AKAP6: variants seen among roughly 807,000 people sequenced by gnomAD.
AKAP6 encodes A-kinase anchor protein 6.
In AKAP6, 58 loss-of-function variants were observed where a neutral mutation model predicts 188.5. The ratio of observed to expected loss-of-function variants is 0.31; its 90% CI spans 0.25 to 0.38. AKAP6 has a LOEUF of 0.38. Ranked by LOEUF, AKAP6 falls within the 10% of genes least tolerant of loss-of-function variation. The pLI is 1.00. For synonymous variants in AKAP6, 989 were observed against 998.6 expected (o/e 0.99, Z 0.18); for missense variants, 2,710 against 2,740.0 (o/e 0.99, Z 0.24).
chr14:32,664,578 C>A lies in AKAP6; in HGVS notation c.2731-13733C>A, dbSNP rs928507114. On this transcript the variant is annotated intron_variant, in intron 7 of 13. Coordinates refer to ENST00000280979, the MANE Select transcript of AKAP6 (RefSeq NM_004274.5). ...GTTTAAGAACATTCCTTTTTGGGTT[C>A]TATGGGTATATTTGTGATAATTGTT... is the stretch of plus-strand genomic sequence containing the variant. Among the ~76,000 whole-genome samples, 11 of 152,204 alleles carry A rather than the reference C, an allele frequency of 7.2e-5. No homozygotes were observed. In the East Asian group the frequency reaches 2.1e-3, roughly 29 times the overall value.
chr14:32,616,344 A>G (rs1886580001), intron 7 of AKAP6, among the ~76,000 whole-genome samples: 1 of 152,214 alleles, frequency 6.6e-6, no homozygotes, highest in East Asian at 1.9e-4. Context: ...AAAGACATGG[A>G]ATCAGTCTAA....
In AKAP6 at chr14:32,836,706, A is replaced by C. The variant is rs936286513; in HGVS notation, c.*6901A>C. ...TATTATGGGTTACAAACCCCTTGTG[A>C]CACCATATTTAAGAGCCACTGCTAT... On this transcript the variant is annotated 3_prime_UTR_variant, in exon 14 of 14. Coordinates refer to ENST00000280979, the MANE Select transcript of AKAP6 (RefSeq NM_004274.5). 6.6e-6 allele frequency: 1 copy of C among 152,104 alleles called. No homozygotes were observed. The highest frequency in any genetic ancestry group is 2.4e-5 in the African/African-American group (1 of 41,408). 9.4% of individuals were successfully genotyped at this position (152,104 alleles called of 1,614,324 possible). A position where few individuals can be genotyped will look rare whatever the true frequency, so the allele number is the denominator to read the frequency against.
At chr14:32,338,035 C>T (rs61471028) in intron 1 of AKAP6, among the ~76,000 whole-genome samples, 3,960 of 151,832 alleles carry the variant, frequency 0.026, 171 homozygotes, top group African/African-American at 0.087. Flanking sequence ...AAACAAGACA[C>T]GTTTTACTCT....
chr14:32,468,409 G>T (rs944037063), intron 2 of AKAP6, among the ~76,000 whole-genome samples: 1 of 152,076 alleles, frequency 6.6e-6, no homozygotes, highest in African/African-American at 2.4e-5. Flanking sequence ...ACAATGCCTT[G>T]CTCTTTCATG....
intron 7 of AKAP6, among the ~76,000 whole-genome samples, chr14:32,656,215 A>G (rs1207766716): frequency 6.6e-6 from 1 of 152,062 alleles, no homozygotes; most frequent in Non-Finnish European, 1.5e-5. Flanking sequence ...ACATAAACAT[A>G]AATCTTTCTG....
At chr14:32,673,671 G>A (rs1333226539) in intron 7 of AKAP6, among the ~76,000 whole-genome samples, 2 of 152,158 alleles carry the variant, frequency 1.3e-5, no homozygotes, top group African/African-American at 4.8e-5. Flanking sequence ...GGAGGTGGAG[G>A]TTGCAGTGAG....
intron 2 of AKAP6, among the ~76,000 whole-genome samples, chr14:32,439,306 A>T (rs61981138): frequency 0.08 from 12,133 of 152,252 alleles, 637 homozygotes; most frequent in South Asian, 0.22. Context: ...CCTTATGGAC[A>T]GAAGATGTTG....
chr14:32,595,311 T>A (rs1174303654), intron 5 of AKAP6, among the ~76,000 whole-genome samples: 1 of 152,038 alleles, frequency 6.6e-6, no homozygotes, highest in African/African-American at 2.4e-5. Context: ...TCTCTCCTGC[T>A]TGCACCCTGC....
rs374840581 is a variant in AKAP6, at chr14:32,678,392, A to G, written c.2812A>G (p.Thr938Ala). 5.6e-5 allele frequency: 91 copies of G among 1,613,976 alleles called. 1 individual carries two copies. In the South Asian group the frequency reaches 7.1e-4, roughly 13 times the overall value. ...MSLKLYSEQY[T>A]SSSKRKEEFA... is the part of the protein sequence containing the mutation. ...CCTCAAGCTGTACAGCGAGCAGTATACCAGCAGCAGCAAGCGAAAGGAAGA... is the reference window on the plus strand; with the variant it reads ...CCTCAAGCTGTACAGCGAGCAGTATGCCAGCAGCAGCAAGCGAAAGGAAGA... The change falls in exon 8 of 14, where the codon ACC (threonine) becomes GCC (alanine). Residue 938 changes from threonine (T) to alanine (A), a missense_variant. By Grantham distance (58) the Thr-to-Ala change is moderately conservative. Around this residue, in one of 2 missense-constraint regions of AKAP6, gnomAD observed 2,473 missense variants for 2,426.1 expected, o/e 1.02. Transcript: ENST00000280979.
At chr14:32,348,644 C>G (rs1477391914) in intron 1 of AKAP6, among the ~76,000 whole-genome samples, 1 of 152,064 alleles carries the variant, frequency 6.6e-6, no homozygotes, top group East Asian at 1.9e-4. Flanking sequence ...AACTCCTGAT[C>G]TCAAATGATC....
chr14:32,383,087 ATG>A (rs3031402), intron 1 of AKAP6, among the ~76,000 whole-genome samples: 53,351 of 142,754 alleles, frequency 0.37, 10,547 homozygotes, highest in Admixed American at 0.49. Context: ...GGCAGATTTT[ATG>A]TGTGTGTGTG....
intron 8 of AKAP6, among the ~76,000 whole-genome samples, chr14:32,692,696 A>G (rs80200490): frequency 0.012 from 1,887 of 152,270 alleles, 38 homozygotes; most frequent in African/African-American, 0.043. Context: ...TTCATTTATC[A>G]TCATTCACCA....
chr14:32,826,522 G>A (rs549830302), intron 13 of AKAP6, among the ~76,000 whole-genome samples: 3 of 152,204 alleles, frequency 2.0e-5, no homozygotes, highest in African/African-American at 7.2e-5. Context: ...TTCTGAAAGG[G>A]GATAAAGGCT....
chr14:32,834,531 G>GTGTTTTTTTTTTTTT lies in AKAP6; in HGVS notation c.*4727_*4728insGTTTTTTTTTTTTTT, dbSNP rs1437449754. 114 of 90,504 alleles carry GTGTTTTTTTTTTTTT rather than the reference G, an allele frequency of 1.3e-3. 2 individuals carry two copies. Among genetic ancestry groups the GTGTTTTTTTTTTTTT allele is most frequent in the South Asian group, 4.6e-3 (12 of 2,622 alleles). 5.6% of individuals were successfully genotyped at this position (90,504 alleles called of 1,614,324 possible). ...ATCACACACTGCTTTTAGTTTCCAA[G>GTGTTTTTTTTTTTTT]TCTTTTTTTTTTTTTTTTTTTTTAA... On this transcript the variant is annotated 3_prime_UTR_variant, in exon 14 of 14. Coordinates refer to ENST00000280979, the MANE Select transcript of AKAP6 (RefSeq NM_004274.5).
At chr14:32,724,044 A>G (rs541225088) in intron 9 of AKAP6, among the ~76,000 whole-genome samples, 38 of 146,898 alleles carry the variant, frequency 2.6e-4, no homozygotes, top group African/African-American at 8.8e-4. Flanking sequence ...ATCAACGAAC[A>G]TTACAAATCA....
chr14:32,793,119 C>T (rs751091393), intron 12 of AKAP6, among the ~76,000 whole-genome samples: 27 of 152,168 alleles, frequency 1.8e-4, no homozygotes, highest in Non-Finnish European at 3.4e-4. Context: ...ACCACATAAA[C>T]AAGTCCACAA....
intron 12 of AKAP6, among the ~76,000 whole-genome samples, chr14:32,806,257 CTA>C (rs543317816): frequency 8.8e-4 from 134 of 152,200 alleles, no homozygotes; most frequent in Non-Finnish European, 1.3e-3. Flanking sequence ...TTATTCCAAA[CTA>C]TGTCTGGGAT....
At chr14:32,369,315 G>A (rs546403691) in intron 1 of AKAP6, among the ~76,000 whole-genome samples, 1 of 152,308 alleles carries the variant, frequency 6.6e-6, no homozygotes, top group Admixed American at 6.5e-5. Flanking sequence ...CTTCCAGACT[G>A]ATAAAGACCC....
intron 2 of AKAP6, among the ~76,000 whole-genome samples, chr14:32,517,435 T>C (rs1881581082): frequency 6.6e-6 from 1 of 152,172 alleles, no homozygotes; most frequent in South Asian, 2.1e-4. Context: ...TGAGGATTGT[T>C]GGACAGTGGG....
Sources: allele counts gnomAD v4.1 joint callset (sites outside exome capture counted in the v4.1 genomes callset), GRCh38; gene constraint gnomAD v4.1.1; regional missense constraint gnomAD v4.1.1; transcripts MANE v1.5; gene names NCBI Gene and HGNC (gene_info 2026-07-23, HGNC 2026-07-21).